Variants in SLCO3A1 observed in about 807,000 individuals in gnomAD.
SLCO3A1 encodes the protein solute carrier organic anion transporter family member 3A1.
SLCO3A1 carries 27 observed loss-of-function variants against 63.1 expected under a neutral mutation model. The observed-to-expected ratio is 0.43, with a 90% CI of 0.32 to 0.59. The LOEUF is 0.59. SLCO3A1 is among the 20% of genes least tolerant of loss of function. The pLI is 0.09. For synonymous variants in SLCO3A1, 473 were observed against 409.9 expected (o/e 1.15, Z -1.86); for missense variants, 773 against 945.8 (o/e 0.82, Z 2.40).
Position 92,072,200 on chromosome 15 carries a change from TG to T in SLCO3A1, c.647-22679del, listed in dbSNP as rs765272266. Among the ~76,000 whole-genome samples the T allele has an allele frequency of 4.0e-3, 598 of 147,740 alleles. 1 individual carries two copies. Among genetic ancestry groups the T allele is most frequent in the Middle Eastern group, 0.011 (3 of 282 alleles). ...TAAGCGTAACCACCATTCTTTTTTTTGGTTTTTTTTTTTTTTCCTCACTGGC... is the reference window on the plus strand; with the variant it reads ...TAAGCGTAACCACCATTCTTTTTTTTGTTTTTTTTTTTTTTCCTCACTGGC... On this transcript the variant is annotated intron_variant, in intron 2 of 9. Transcript: ENST00000318445.
At chr15:92,076,972 T>A (rs1326890978) in intron 2 of SLCO3A1, among the ~76,000 whole-genome samples, 1 of 152,124 alleles carries the variant, frequency 6.6e-6, no homozygotes, top group African/African-American at 2.4e-5. Flanking sequence ...TCACTCACAG[T>A]TCAGGATGGC....
chr15:91,936,335 A>G (rs1899412819), intron 2 of SLCO3A1, among the ~76,000 whole-genome samples: 1 of 152,230 alleles, frequency 6.6e-6, no homozygotes, highest in Non-Finnish European at 1.5e-5. Flanking sequence ...GGCATCCACT[A>G]ACCACATATG....
chr15:91,973,945 A>C (rs1250986954), intron 2 of SLCO3A1, among the ~76,000 whole-genome samples: 4 of 152,182 alleles, frequency 2.6e-5, no homozygotes, highest in African/African-American at 9.7e-5. Flanking sequence ...TCCTGGCTCA[A>C]AATTCACTTT....
At chr15:91,984,796 A>G (rs1337158917) in intron 2 of SLCO3A1, among the ~76,000 whole-genome samples, 1 of 152,140 alleles carries the variant, frequency 6.6e-6, no homozygotes, top group Non-Finnish European at 1.5e-5. Context: ...ATCATTTCAC[A>G]TTTGTTTGCT....
intron 9 of SLCO3A1, among the ~76,000 whole-genome samples, chr15:92,159,679 A>G (rs944824804): frequency 6.7e-6 from 1 of 149,680 alleles, no homozygotes; most frequent in Non-Finnish European, 1.5e-5. Context: ...TGATCCTCCC[A>G]TCGGCCTCCT....
chr15:92,072,752 C>T (rs1253527288), intron 2 of SLCO3A1, among the ~76,000 whole-genome samples: 1 of 152,110 alleles, frequency 6.6e-6, no homozygotes, highest in Non-Finnish European at 1.5e-5. Context: ...CCTCTGCTCC[C>T]CTTCTCTCTT....
intron 1 of SLCO3A1, among the ~76,000 whole-genome samples, chr15:91,861,424 C>T (rs1220186146): frequency 6.6e-6 from 1 of 152,212 alleles, no homozygotes; most frequent in Non-Finnish European, 1.5e-5. Flanking sequence ...GAAGCCCTTA[C>T]TGAGGACTTA....
intron 2 of SLCO3A1, among the ~76,000 whole-genome samples, chr15:91,977,194 G>T (rs1901148873): frequency 6.6e-6 from 1 of 152,196 alleles, no homozygotes; most frequent in Admixed American, 6.5e-5. Context: ...CTGAGGTTTT[G>T]TCAGTGCAAT....
chr15:92,039,627 A>G (rs981629411), intron 2 of SLCO3A1, among the ~76,000 whole-genome samples: 2 of 152,232 alleles, frequency 1.3e-5, no homozygotes, highest in East Asian at 1.9e-4. Flanking sequence ...GGGAATGTAA[A>G]TTAGTTCAAC....
chr15:91,913,192 G>A (rs1898538171), intron 1 of SLCO3A1, among the ~76,000 whole-genome samples: 3 of 152,214 alleles, frequency 2.0e-5, no homozygotes, highest in Non-Finnish European at 2.9e-5. Flanking sequence ...TGAGTGATCT[G>A]CAAGCTGGCC....
chr15:92,015,859 G>A (rs533051065), intron 2 of SLCO3A1, among the ~76,000 whole-genome samples: 127 of 152,294 alleles, frequency 8.3e-4, no homozygotes, highest in Non-Finnish European at 1.5e-3. Context: ...CAGGGGCCAA[G>A]AAGAACTGGT....
chr15:91,911,989 T>G (rs1898502624), intron 1 of SLCO3A1, among the ~76,000 whole-genome samples: 1 of 152,096 alleles, frequency 6.6e-6, no homozygotes, highest in East Asian at 1.9e-4. Flanking sequence ...TTTTTTTTTT[T>G]GAATAATCAT....
At chr15:92,061,865 A>G (rs4984326) in intron 2 of SLCO3A1, among the ~76,000 whole-genome samples, 90,660 of 151,810 alleles carry the variant, frequency 0.6, 27,948 homozygotes, top group Admixed American at 0.75. Flanking sequence ...CCCCTTTGGG[A>G]GCCACAAGGG....
intron 2 of SLCO3A1, among the ~76,000 whole-genome samples, chr15:92,052,085 C>T (rs1477818462): frequency 1.3e-5 from 2 of 152,106 alleles, no homozygotes; most frequent in South Asian, 2.1e-4. Flanking sequence ...CCACACTGCC[C>T]GTGTCCCTGC....
Position 92,126,069 on chromosome 15 carries a change from G to T in SLCO3A1, c.1183G>T (p.Ala395Ser). 1 of 1,613,908 alleles carries T rather than the reference G, an allele frequency of 6.2e-7. No individual in the cohort carries two copies. The highest frequency in any genetic ancestry group is 8.5e-7 in the Non-Finnish European group (1 of 1,179,982). The change falls in exon 6 of 10, where the codon GCG becomes TCG. Residue 395 changes from alanine to serine, a missense_variant. Transcript: ENST00000318445. Reference protein sequence around the residue: ...SSANQLLGMTAIPCACLGIFL... With the variant: ...SSANQLLGMTSIPCACLGIFL... Reference sequence around the variant, plus strand: ...CTCTATTTTCCTTCCAGGGATGACTGCGATCCCGTGTGCTTGTCTGGGTAT... The same window carrying T: ...CTCTATTTTCCTTCCAGGGATGACTTCGATCCCGTGTGCTTGTCTGGGTAT...
At chr15:92,010,214 A>T (rs2046354499) in intron 2 of SLCO3A1, among the ~76,000 whole-genome samples, 1 of 152,224 alleles carries the variant, frequency 6.6e-6, no homozygotes, top group East Asian at 1.9e-4. Context: ...TACTCAGGTG[A>T]TCTATGTAAC....
chr15:92,128,542 T>C, intron 7 of SLCO3A1, 53 bp downstream of exon 7: 1 of 1,523,356 alleles, frequency 6.6e-7, no homozygotes, highest in Non-Finnish European at 8.8e-7. Flanking sequence ...CTAAAGTGGC[T>C]TAAAACCCAA....
chr15:92,007,452 G>T (rs1193383538), intron 2 of SLCO3A1, among the ~76,000 whole-genome samples: 3 of 152,200 alleles, frequency 2.0e-5, no homozygotes, highest in African/African-American at 7.2e-5. Context: ...GAACAAGATG[G>T]GGTGGATGTC....
intron 2 of SLCO3A1, among the ~76,000 whole-genome samples, chr15:92,017,717 G>A (rs1200357818): frequency 1.3e-5 from 2 of 152,154 alleles, no homozygotes; most frequent in Non-Finnish European, 2.9e-5. Flanking sequence ...GATTGGCTCA[G>A]GAGTTCACAG....
Sources: allele counts gnomAD v4.1 joint callset (sites outside exome capture counted in the v4.1 genomes callset), GRCh38; gene constraint gnomAD v4.1.1; transcripts MANE v1.5; gene names NCBI Gene and HGNC (gene_info 2026-07-23, HGNC 2026-07-21).